ESRRA: variants seen among roughly 807,000 people sequenced by gnomAD.
ESRRA encodes steroid hormone receptor ERR1.
ESRRA carries 7 observed loss-of-function variants against 35.6 expected under a neutral mutation model. That is an observed-to-expected ratio of 0.20 (90% CI 0.11 to 0.37). The LOEUF (loss-of-function observed/expected upper bound fraction) is 0.37. Ranked by LOEUF, ESRRA falls within the 10% of genes least tolerant of loss-of-function variation. The probability of loss-of-function intolerance (pLI) is 1.00; values close to 1 mark genes in which losing one functional copy is unlikely to be tolerated. For synonymous variants in ESRRA, 223 were observed against 246.9 expected (o/e 0.90, Z 0.91); for missense variants, 378 against 561.7 (o/e 0.67, Z 3.31).
At chr11:64,312,426 C>T (rs1488478784) in intron 2 of ESRRA, among the ~76,000 whole-genome samples, 2 of 152,228 alleles carry the variant, frequency 1.3e-5, no homozygotes, top group African/African-American at 4.8e-5. Flanking sequence ...AGGCGTGAGC[C>T]ACCGTGCCCG....
intron 2 of ESRRA, among the ~76,000 whole-genome samples, chr11:64,311,225 G>T (rs2035133216): frequency 6.6e-6 from 1 of 152,206 alleles, no homozygotes; most frequent in South Asian, 2.1e-4. Context: ...CCTGTTCTTT[G>T]CTGTCCTGGC....
Position 64,307,501 on chromosome 11 carries a change from C to G in ESRRA, c.322C>G (p.Gln108Glu). The G allele has an allele frequency of 6.6e-7, 1 of 1,506,676 alleles. No individual in the cohort carries two copies. The highest frequency in any genetic ancestry group is 8.9e-7 in the Non-Finnish European group (1 of 1,126,234). 93.3% of individuals were successfully genotyped at this position (1,506,676 alleles called of 1,614,324 possible). Residue 108 changes from glutamine to glutamate, a missense_variant, in exon 2 of 7, where the codon CAG becomes GAG. This residue lies in a region of ESRRA where 284 missense variants were observed against 411.7 expected (regional missense o/e 0.69). Coordinates refer to ENST00000000442, the MANE Select transcript of ESRRA (RefSeq NM_004451.5). ...CAAAGCCTTCTTCAAGAGGACCATCCAGGGTGAGCCCCCAGCCCACTCCCC... is the reference window on the plus strand; with the variant it reads ...CAAAGCCTTCTTCAAGAGGACCATCGAGGGTGAGCCCCCAGCCCACTCCCC... ...ACKAFFKRTI[Q>E]GSIEYSCPAS...
At position 64,313,747 on chromosome 11, in the gene ESRRA, C is replaced by T. The variant is rs1033526402; in HGVS notation, c.326-204C>T. On this transcript the variant is annotated intron_variant, in intron 2 of 6. Coordinates refer to ENST00000000442, the MANE Select transcript of ESRRA (RefSeq NM_004451.5). The surrounding 1 kb of genome is among the most constrained non-coding windows in gnomAD (Gnocchi z 4.0). The stretch of plus-strand genomic sequence containing the variant: ...TGGGGCTGAGATGCAGCCCCGCTGC[C>T]TGGTCCAGCTCCTCCCTCATCCAGG... The T allele has an allele frequency of 7.5e-6, 4 of 530,676 alleles. No homozygotes were observed. In the Admixed American group the frequency reaches 1.3e-4, roughly 17 times the overall value. The allele number at this position is 530,676 out of a possible 1,614,324, so 32.9% of individuals were successfully genotyped here. A position where few individuals can be genotyped will look rare whatever the true frequency, so the allele number is the denominator to read the frequency against.
In ESRRA at chr11:64,313,975, C is replaced by A; in HGVS notation, c.350C>A (p.Ala117Asp). ...GGGAGCATCGAGTACAGCTGTCCGG[C>A]CTCCAACGAGTGTGAGATCACCAAG... ...IQGSIEYSCP[A>D]SNECEITKRR... The change falls in exon 3 of 7, where the codon GCC becomes GAC. Residue 117 changes from alanine to aspartate, a missense_variant. Around this residue, in one of 4 missense-constraint regions of ESRRA, gnomAD observed 284 missense variants for 411.7 expected, o/e 0.69. Coordinates refer to ENST00000000442, the MANE Select transcript of ESRRA (RefSeq NM_004451.5). The surrounding 1 kb of genome is among the most constrained non-coding windows in gnomAD (Gnocchi z 4.0). The A allele has an allele frequency of 6.3e-7, 1 of 1,581,146 alleles. No homozygotes were observed. Among genetic ancestry groups the A allele is most frequent in the Non-Finnish European group, 8.6e-7 (1 of 1,163,806 alleles).
chr11:64,314,533 G>A (rs1352689971), intron 4 of ESRRA, among the ~76,000 whole-genome samples, 166 bp downstream of exon 4: 2 of 152,214 alleles, frequency 1.3e-5, no homozygotes, highest in Non-Finnish European at 2.9e-5. Context: ...TAGTAGAACT[G>A]GGAACAGGGA....
At position 64,314,902 on chromosome 11, in the gene ESRRA, A is replaced by G. The variant is rs779608859; in HGVS notation, c.733A>G (p.Ser245Gly). ...EIVVTISWAK[S>G]IPGFSSLSLS... ...TGTGGTCACCATCAGCTGGGCCAAG[A>G]GCATCCCAGGTAAAGGGCCCAGGTG... Residue 245 changes from serine (S) to glycine (G), a missense_variant, in exon 5 of 7, where the codon AGC becomes GGC. Ser to Gly is a moderately conservative substitution (Grantham distance 56). Around this residue, in one of 4 missense-constraint regions of ESRRA, gnomAD observed 284 missense variants for 411.7 expected, o/e 0.69. Transcript: ENST00000000442. The G allele has an allele frequency of 3.7e-6, 6 of 1,612,294 alleles. No individual in the cohort carries two copies. In the Admixed American group the frequency reaches 5.0e-5, roughly 13 times the overall value.
Position 64,316,162 on chromosome 11 carries a change from G to C in ESRRA, c.*196G>C. ...GGGGTGTCAGAAGCTGGGAACGTGTGTCCAGGCTCTGGGCACAGTGCTGCC... is the reference window on the plus strand; with the variant it reads ...GGGGTGTCAGAAGCTGGGAACGTGTCTCCAGGCTCTGGGCACAGTGCTGCC... On this transcript the variant is annotated 3_prime_UTR_variant, in exon 7 of 7. Transcript: ENST00000000442. 10 of 633,774 alleles carry C rather than the reference G, an allele frequency of 1.6e-5. No individual in the cohort carries two copies. In the South Asian group the frequency reaches 2.2e-4, roughly 14 times the overall value. The allele number at this position is 633,774 out of a possible 1,614,324, so 39.3% of individuals were successfully genotyped here. A position where few individuals can be genotyped will look rare whatever the true frequency, so the allele number is the denominator to read the frequency against.
intron 6 of ESRRA, 109 bp from the exon 7 acceptor site, chr11:64,315,598 A>G (rs2135262252): frequency 6.9e-7 from 1 of 1,447,476 alleles, no homozygotes; most frequent in Non-Finnish European, 9.5e-7. Context: ...GCCAATCAAC[A>G]AATCCTCGTT....
chr11:64,314,968 G>A, intron 5 of ESRRA, 33 bp from the exon 6 acceptor site: 2 of 1,591,792 alleles, frequency 1.3e-6, no homozygotes, highest in Middle Eastern at 3.8e-4. Context: ...TGGTGCGCTT[G>A]CTCAGCCAGG....
intron 2 of ESRRA, among the ~76,000 whole-genome samples, chr11:64,307,957 A>G (rs1215221888): frequency 2.0e-5 from 3 of 152,054 alleles, no homozygotes; most frequent in Non-Finnish European, 2.9e-5. Context: ...CAGTGGCACA[A>G]TCTCTGCTCA....
Position 64,316,365 on chromosome 11 carries a change from G to A in ESRRA, c.*399G>A, listed in dbSNP as rs1320036546. On this transcript the variant is annotated 3_prime_UTR_variant, in exon 7 of 7. Transcript: ENST00000000442. ...AATCCTACCCCCTCTTCAAAGCAGA[G>A]TGGGACTTGGAGAGCAAAGGCCCAT... 1 of 205,264 alleles carries A rather than the reference G, an allele frequency of 4.9e-6. No individual in the cohort carries two copies. The highest frequency in any genetic ancestry group is 2.3e-5 in the African/African-American group (1 of 42,832). 12.7% of individuals were successfully genotyped at this position (205,264 alleles called of 1,614,324 possible).
rs2035252827 is a variant in ESRRA, at chr11:64,316,077, G to A, written c.*111G>A. On this transcript the variant is annotated 3_prime_UTR_variant, in exon 7 of 7. Coordinates refer to ENST00000000442, the MANE Select transcript of ESRRA (RefSeq NM_004451.5). ...GGCAGTGCCACAGCCTGCTGGCAGG[G>A]CCAGGGCAATGCCATCAGCCCCTGG... The A allele has an allele frequency of 3.0e-6, 4 of 1,314,198 alleles. No individual in the cohort carries two copies. In the South Asian group the frequency reaches 5.8e-5, roughly 19 times the overall value. 81.4% of individuals were successfully genotyped at this position (1,314,198 alleles called of 1,614,324 possible).
rs2035278066 is a variant in ESRRA, at chr11:64,316,674, C to T, written c.*708C>T. ...GAGACTCTATTTTAATGTATATTTG[C>T]TGCAAAGAGAAACCGCTTTTGGTTT... On this transcript the variant is annotated 3_prime_UTR_variant, in exon 7 of 7. Coordinates refer to ENST00000000442, the MANE Select transcript of ESRRA (RefSeq NM_004451.5). 2 of 601,764 alleles carry T rather than the reference C, an allele frequency of 3.3e-6. No homozygotes were observed. Among genetic ancestry groups the T allele is most frequent in the South Asian group, 2.1e-5 (1 of 47,948 alleles). The allele number at this position is 601,764 out of a possible 1,614,324, so 37.3% of individuals were successfully genotyped here.
In ESRRA at chr11:64,314,946, C is replaced by G. The variant is rs375492300; in HGVS notation, c.742+35C>G. 233 of 1,605,662 alleles carry G rather than the reference C, an allele frequency of 1.5e-4. No individual in the cohort carries two copies. The African/African-American group carries it at 2.8e-3, about 20-fold the overall frequency. ...CCAGGTGACCCGGGGCTGCCCTGAA[C>G]GGGCCCGGCTCTGGTGCGCTTGCTC... On this transcript the variant is annotated intron_variant, in intron 5 of 6. Transcript: ENST00000000442.
rs990329036 is a variant in ESRRA, at chr11:64,316,203, C to G, written c.*237C>G. ...CAGTGCTGCCCCTTGCAAGCCATAACGTGCCCCCAGAGTGTAGGGGGCCTT... is the reference window on the plus strand; with the variant it reads ...CAGTGCTGCCCCTTGCAAGCCATAAGGTGCCCCCAGAGTGTAGGGGGCCTT... On this transcript the variant is annotated 3_prime_UTR_variant, in exon 7 of 7. Coordinates refer to ENST00000000442, the MANE Select transcript of ESRRA (RefSeq NM_004451.5). 1 of 490,318 alleles carries G rather than the reference C, an allele frequency of 2.0e-6. No individual in the cohort carries two copies. The highest frequency in any genetic ancestry group is 1.9e-5 in the African/African-American group (1 of 51,368). The allele number at this position is 490,318 out of a possible 1,614,324, so 30.4% of individuals were successfully genotyped here.
intron 4 of ESRRA, 83 bp from the exon 5 acceptor site, chr11:64,314,658 G>T: frequency 2.9e-6 from 4 of 1,371,290 alleles, no homozygotes; most frequent in Non-Finnish European, 3.0e-6. Flanking sequence ...AAGGCCACAG[G>T]GGGAGCCACT....
At chr11:64,311,369 AT>A (rs2035136262) in intron 2 of ESRRA, among the ~76,000 whole-genome samples, 1 of 149,710 alleles carries the variant, frequency 6.7e-6, no homozygotes. Context: ...CCGCTGTGGT[AT>A]GTGCAGGAAG....
chr11:64,315,786 C>CG lies in ESRRA; in HGVS notation c.1094dup (p.Arg366ProfsTer9). The CG allele has an allele frequency of 6.2e-7, 1 of 1,613,628 alleles. No individual in the cohort carries two copies. Among genetic ancestry groups the CG allele is most frequent in the Non-Finnish European group, 8.5e-7 (1 of 1,179,698 alleles). On this transcript the variant is annotated frameshift_variant, in exon 7 of 7. Transcript: ENST00000000442. LOFTEE classifies it high-confidence loss of function. ...ACGAGGCCCTGCTGGAGTATGAAGCCGGCCGGGCTGGCCCCGGAGGGGGTG... is the reference window on the plus strand; with the variant it reads ...ACGAGGCCCTGCTGGAGTATGAAGCCGGGCCGGGCTGGCCCCGGAGGGGGTG...
At chr11:64,315,588 G>T in intron 6 of ESRRA, 119 bp from the exon 7 acceptor site, 1 of 1,387,550 alleles carries the variant, frequency 7.2e-7, no homozygotes. Context: ...CTCTCAGTCA[G>T]CCAATCAACA....
Sources: gnomAD v4.1 joint callset for allele counts (sites outside exome capture counted in the v4.1 genomes callset) on GRCh38, gnomAD v4.1.1 for gene constraint, gnomAD v4.1.1 regional missense constraint, Gnocchi (gnomAD v3.1) non-coding constraint, MANE v1.5 for transcripts, NCBI Gene and HGNC (gene_info 2026-07-23, HGNC 2026-07-21) for gene names.